DUSP10: variants seen among roughly 807,000 people sequenced by gnomAD.
DUSP10 encodes dual specificity phosphatase 10, also known as dual specificity protein phosphatase 10.
A neutral mutation model predicts 30.8 loss-of-function variants in DUSP10; 14 were observed. The ratio of observed to expected loss-of-function variants is 0.46; its 90% CI spans 0.30 to 0.71. DUSP10 has a LOEUF of 0.71. Among genes scored for constraint, DUSP10 ranks in the 30% least tolerant of loss-of-function variants. The pLI, the probability that DUSP10 is intolerant of heterozygous loss-of-function variation, is 0.08. For synonymous variants in DUSP10, 254 were observed against 250.4 expected (o/e 1.01, Z -0.14); for missense variants, 550 against 619.4 (o/e 0.89, Z 1.19).
In DUSP10 at chr1:221,706,017, C is replaced by A; in HGVS notation, c.1183+78G>T. 2 of 1,543,814 alleles carry A rather than the reference C, an allele frequency of 1.3e-6. No homozygotes were observed. The highest frequency in any genetic ancestry group is 2.6e-5 in the South Asian group (2 of 78,310). ...TTTTCTTTTCCAACACAGGAATAAA[C>A]CTTGAACTTGATATCAAAGCAAGAG... On this transcript the variant is annotated intron_variant, in intron 3 of 3. Transcript: ENST00000366899. The surrounding 1 kb of genome is among the most constrained non-coding windows in gnomAD (Gnocchi z 4.6).
intron 2 of DUSP10, chr1:221,737,288 G>A: frequency 2.0e-6 from 2 of 985,364 alleles, no homozygotes; most frequent in Non-Finnish European, 2.4e-6. Context: ...GAGAAAAGAG[G>A]AGATCATCAT....
intron 2 of DUSP10, among the ~76,000 whole-genome samples, chr1:221,733,317 T>C (rs970416940): frequency 1.3e-5 from 2 of 152,238 alleles, no homozygotes; most frequent in East Asian, 1.9e-4. Context: ...CTTTCTCCTA[T>C]ACACACGTGC....
At chr1:221,721,898 C>G (rs1385032666) in intron 2 of DUSP10, among the ~76,000 whole-genome samples, 1 of 152,180 alleles carries the variant, frequency 6.6e-6, no homozygotes, top group African/African-American at 2.4e-5. Flanking sequence ...AAGCTAAGAT[C>G]TAGGTGGGCC....
At chr1:221,737,699 G>A (rs1661820859) in intron 2 of DUSP10, among the ~76,000 whole-genome samples, 1 of 152,194 alleles carries the variant, frequency 6.6e-6, no homozygotes, top group Admixed American at 6.5e-5. Flanking sequence ...GGTGGGAAGA[G>A]GAGATTGTGT....
At chr1:221,712,288 A>G (rs1332321777) in intron 2 of DUSP10, among the ~76,000 whole-genome samples, 1 of 152,196 alleles carries the variant, frequency 6.6e-6, no homozygotes, top group African/African-American at 2.4e-5. Flanking sequence ...GGGAGGCCCT[A>G]TCAAACAGAG....
chr1:221,713,252 A>T (rs1439040474), intron 2 of DUSP10, among the ~76,000 whole-genome samples: 1 of 152,188 alleles, frequency 6.6e-6, no homozygotes, highest in Non-Finnish European at 1.5e-5. Context: ...TGCTCTGCTA[A>T]AAGTGTACTC....
chr1:221,730,113 T>C (rs964202483), intron 2 of DUSP10, among the ~76,000 whole-genome samples: 57 of 152,074 alleles, frequency 3.7e-4, no homozygotes, highest in African/African-American at 1.2e-3. Context: ...TTTTTGCTTC[T>C]CTCTTGCCAG....
intron 3 of DUSP10, among the ~76,000 whole-genome samples, chr1:221,703,217 G>GTATA (rs1178313328): frequency 6.6e-6 from 1 of 151,386 alleles, no homozygotes; most frequent in African/African-American, 2.4e-5. Context: ...GTGTGTGTGT[G>GTATA]TGTATATATA....
intron 2 of DUSP10, chr1:221,736,994 G>A (rs899405850): frequency 1.0e-6 from 1 of 985,500 alleles, no homozygotes; most frequent in Non-Finnish European, 1.2e-6. Flanking sequence ...CTCTGACACT[G>A]AGGAAGAAGT....
At chr1:221,721,977 T>A (rs1284198656) in intron 2 of DUSP10, among the ~76,000 whole-genome samples, 1 of 152,196 alleles carries the variant, frequency 6.6e-6, no homozygotes, top group African/African-American at 2.4e-5. Flanking sequence ...GACAGTATCT[T>A]CACCAACCCC....
chr1:221,741,793 T>TTATA (rs1661962202), intron 1 of DUSP10, among the ~76,000 whole-genome samples, 188 bp downstream of exon 1: 1 of 152,040 alleles, frequency 6.6e-6, no homozygotes, highest in Non-Finnish European at 1.5e-5. Flanking sequence ...GGCCGGAACC[T>TTATA]TATAACCCTA....
chr1:221,720,304 T>G (rs73110844), intron 2 of DUSP10, among the ~76,000 whole-genome samples: 2,961 of 152,210 alleles, frequency 0.019, 107 homozygotes, highest in African/African-American at 0.068. Flanking sequence ...TCCCCCAACC[T>G]CCAGGGAGGA....
intron 2 of DUSP10, among the ~76,000 whole-genome samples, chr1:221,718,863 C>T (rs1320147248): frequency 1.3e-5 from 2 of 152,164 alleles, no homozygotes; most frequent in African/African-American, 4.8e-5. Flanking sequence ...ATGCGAGCCT[C>T]ACAGGAGAGC....
At position 221,739,607 on chromosome 1, in the gene DUSP10, G is replaced by A. The variant is rs749348862; in HGVS notation, c.138C>T (p.Ile46=). The A allele has an allele frequency of 1.6e-5, 26 of 1,614,050 alleles. No homozygotes were observed. Among genetic ancestry groups the A allele is most frequent in the East Asian group, 2.2e-5 (1 of 44,894 alleles). Residue 46 remains isoleucine, a synonymous_variant, in exon 2 of 4, where the codon ATC becomes ATT. Transcript: ENST00000366899. ...CCTTGAGGGACACAACGGTGGTGGC[G>A]ATGACAGGAGGGTGGCTGTTACTGC... ...NPGSNSHPPV[I]ATTVVSLKAA...
intron 3 of DUSP10, among the ~76,000 whole-genome samples, chr1:221,704,937 C>T (rs1001407547): frequency 6.6e-6 from 1 of 152,020 alleles, no homozygotes; most frequent in African/African-American, 2.4e-5. Flanking sequence ...CTTTCTCTGA[C>T]AAAGGAACAC....
chr1:221,727,113 G>A (rs6677276), intron 2 of DUSP10, among the ~76,000 whole-genome samples: 17,499 of 152,158 alleles, frequency 0.12, 3,261 homozygotes, highest in African/African-American at 0.39. Context: ...GGCAAAATCA[G>A]AATTCAAACT....
At chr1:221,708,663 A>G (rs559297403) in intron 2 of DUSP10, among the ~76,000 whole-genome samples, 2 of 152,352 alleles carry the variant, frequency 1.3e-5, no homozygotes, top group South Asian at 2.1e-4. Flanking sequence ...CTGAAGTAGA[A>G]GAAAGAAAAT....
At chr1:221,708,362 C>A (rs547374429) in intron 2 of DUSP10, among the ~76,000 whole-genome samples, 1 of 152,254 alleles carries the variant, frequency 6.6e-6, no homozygotes, top group East Asian at 1.9e-4. Context: ...TAACCTAGAC[C>A]GAGTCTCATG....
chr1:221,721,345 C>A (rs1273544529), intron 2 of DUSP10, among the ~76,000 whole-genome samples: 2 of 152,136 alleles, frequency 1.3e-5, no homozygotes, highest in Non-Finnish European at 2.9e-5. Context: ...AAAGAGAAAT[C>A]TAATGAGGGA....
Sources: gnomAD v4.1 joint callset for allele counts (sites outside exome capture counted in the v4.1 genomes callset) on GRCh38, gnomAD v4.1.1 for gene constraint, Gnocchi (gnomAD v3.1) non-coding constraint, MANE v1.5 for transcripts, NCBI Gene and HGNC (gene_info 2026-07-23, HGNC 2026-07-21) for gene names.